The following KIAA1671 variants were observed in gnomAD, a reference collection of about 807,000 sequenced individuals.
KIAA1671 encodes the protein uncharacterized protein KIAA1671.
In KIAA1671, 52 loss-of-function variants were observed where a neutral mutation model predicts 131.2. That is an observed-to-expected ratio of 0.40 (90% CI 0.32 to 0.50). The LOEUF is 0.50. Ranked by LOEUF, KIAA1671 falls within the 20% of genes least tolerant of loss-of-function variation. KIAA1671 has a pLI of 0.73. For missense variants in KIAA1671, 2,360 were observed against 2,364.2 expected (o/e 1.00, Z 0.04); for synonymous variants, 1,003 against 961.6 (o/e 1.04, Z -0.80).
At chr22:25,172,285 C>A (rs539762765) in intron 7 of KIAA1671, among the ~76,000 whole-genome samples, 2 of 152,136 alleles carry the variant, frequency 1.3e-5, no homozygotes, top group East Asian at 3.9e-4. Context: ...TTAGGTGCAC[C>A]CCTGAGGGGG....
intron 1 of KIAA1671, among the ~76,000 whole-genome samples, chr22:25,001,684 A>G (rs896729766): frequency 1.3e-5 from 2 of 152,106 alleles, no homozygotes; most frequent in Non-Finnish European, 2.9e-5. Context: ...GGCACTTTCT[A>G]TTTTAAAAAA....
intron 1 of KIAA1671, among the ~76,000 whole-genome samples, chr22:25,004,552 C>A (rs780568766): frequency 4.0e-4 from 61 of 152,198 alleles, no homozygotes; most frequent in Non-Finnish European, 7.1e-4. Flanking sequence ...CCTTGTCCCT[C>A]CATCTGCCCA....
intron 6 of KIAA1671, among the ~76,000 whole-genome samples, chr22:25,162,529 C>T (rs1025486259): frequency 2.0e-5 from 3 of 152,216 alleles, no homozygotes; most frequent in Non-Finnish European, 4.4e-5. Context: ...GTAACTATGT[C>T]ACCTTTTCTA....
chr22:25,019,785 G>C (rs1925562970), intron 1 of KIAA1671, among the ~76,000 whole-genome samples: 1 of 151,960 alleles, frequency 6.6e-6, no homozygotes, highest in African/African-American at 2.4e-5. Context: ...TGTTCTTTAA[G>C]AGTTTCCCTA....
intron 6 of KIAA1671, among the ~76,000 whole-genome samples, chr22:25,099,561 T>G (rs1020478863): frequency 8.7e-6 from 1 of 115,334 alleles, no homozygotes; most frequent in East Asian, 2.2e-4. Context: ...TTTTTTTTTT[T>G]TTTTTTTTTT....
chr22:25,033,100 T>G (rs1926381439), intron 4 of KIAA1671, among the ~76,000 whole-genome samples: 1 of 152,104 alleles, frequency 6.6e-6, no homozygotes, highest in Non-Finnish European at 1.5e-5. Context: ...AAGAAGTAGG[T>G]GGCTGGGCAC....
intron 1 of KIAA1671, among the ~76,000 whole-genome samples, chr22:24,988,963 G>A (rs1440148646): frequency 6.6e-6 from 1 of 152,170 alleles, no homozygotes; most frequent in African/African-American, 2.4e-5. Flanking sequence ...TGCAACTAGT[G>A]ATTATGGAGC....
At chr22:25,094,011 A>C (rs1279888444) in intron 6 of KIAA1671, among the ~76,000 whole-genome samples, 4 of 151,892 alleles carry the variant, frequency 2.6e-5, no homozygotes, top group Admixed American at 6.6e-5. Context: ...GGACAGAGAG[A>C]TATATGGGGC....
chr22:25,192,357 G>T (rs149492122), intron 12 of KIAA1671, 49 bp from the exon 13 acceptor site: 191 of 152,302 alleles, frequency 1.3e-3, no homozygotes, highest in African/African-American at 4.4e-3. Flanking sequence ...GAGAGCAATG[G>T]AGCCAAATGT....
At chr22:25,012,079 T>TG (rs1784028702) in intron 1 of KIAA1671, 1 of 152,204 alleles carries the variant, frequency 6.6e-6, no homozygotes, top group African/African-American at 2.4e-5. Flanking sequence ...AGCAAGTCTC[T>TG]GGCTTACTAG....
At chr22:25,130,358 A>G (rs1311779438) in intron 6 of KIAA1671, among the ~76,000 whole-genome samples, 1 of 152,144 alleles carries the variant, frequency 6.6e-6, no homozygotes, top group Non-Finnish European at 1.5e-5. Context: ...CTGGCTCTCA[A>G]TAGACATTTC....
intron 6 of KIAA1671, among the ~76,000 whole-genome samples, chr22:25,161,284 A>C (rs1933435599): frequency 6.6e-6 from 1 of 152,208 alleles, no homozygotes; most frequent in Admixed American, 6.5e-5. Context: ...GAGTCATACA[A>C]ATAGTTTCAG....
intron 6 of KIAA1671, among the ~76,000 whole-genome samples, chr22:25,153,251 A>T (rs1933108761): frequency 6.6e-6 from 1 of 152,180 alleles, no homozygotes; most frequent in Admixed American, 6.5e-5. Flanking sequence ...GCTTGGGGAT[A>T]ATACCACTCC....
At chr22:24,977,569 C>A (rs1298293136) in intron 1 of KIAA1671, among the ~76,000 whole-genome samples, 1 of 152,220 alleles carries the variant, frequency 6.6e-6, no homozygotes, top group Admixed American at 6.5e-5. Flanking sequence ...TCCACCTCCC[C>A]CAGCCCACCC....
intron 6 of KIAA1671, among the ~76,000 whole-genome samples, chr22:25,089,829 C>T (rs903014704): frequency 6.6e-6 from 1 of 152,136 alleles, no homozygotes; most frequent in Non-Finnish European, 1.5e-5. Context: ...GACACCTTTG[C>T]GCCCTTGTGT....
rs924255655 is a variant in KIAA1671, at chr22:25,027,837, A to G, written c.-55-108A>G. 1.9e-3 allele frequency: 1,144 copies of G among 591,190 alleles called. 4 individuals carry two copies. Among genetic ancestry groups the G allele is most frequent in the Admixed American group, 3.3e-3 (93 of 28,300 alleles). The allele number at this position is 591,190 out of a possible 1,614,324, so 36.6% of individuals were successfully genotyped here. ...GGTGAGGTCAGCAGAGGGCTGTCGT[A>G]TGGAATCTGGGGCTCAGGACTCTGT... On this transcript the variant is annotated intron_variant, in intron 2 of 12. Transcript: ENST00000358431.
intron 6 of KIAA1671, among the ~76,000 whole-genome samples, chr22:25,088,331 T>C (rs1364780802): frequency 1.3e-5 from 2 of 152,204 alleles, no homozygotes; most frequent in Non-Finnish European, 2.9e-5. Context: ...GGTCTTGAAC[T>C]CCTGACCTTA....
intron 6 of KIAA1671, among the ~76,000 whole-genome samples, chr22:25,130,459 G>A (rs754676429): frequency 6.6e-6 from 1 of 152,070 alleles, no homozygotes; most frequent in Admixed American, 6.6e-5. Flanking sequence ...ACTTGTAATC[G>A]TCATTACATA....
chr22:25,107,923 G>A (rs932863436), intron 6 of KIAA1671, among the ~76,000 whole-genome samples: 5 of 152,064 alleles, frequency 3.3e-5, no homozygotes, highest in Non-Finnish European at 5.9e-5. Flanking sequence ...CAGGAGAATC[G>A]CTTGAACCCA....
Sources: allele counts gnomAD v4.1 joint callset (sites outside exome capture counted in the v4.1 genomes callset), GRCh38; gene constraint gnomAD v4.1.1; transcripts MANE v1.5; gene names NCBI Gene and HGNC (gene_info 2026-07-23, HGNC 2026-07-21).